C4orf51: variants seen among roughly 807,000 people sequenced by gnomAD.
The protein encoded by C4orf51 is chromosome 4 open reading frame 51, also known as uncharacterized protein C4orf51.
A neutral mutation model predicts 25.2 loss-of-function variants in C4orf51; 25 were observed. The ratio of observed to expected loss-of-function variants is 0.99; its 90% CI spans 0.72 to 1.39. The LOEUF is 1.39. Among genes scored for constraint, C4orf51 ranks in the 40% most tolerant of loss-of-function variants. The pLI is 0.00. For synonymous variants in C4orf51, 100 were observed against 84.5 expected (o/e 1.18, Z -1.01); for missense variants, 252 against 239.6 (o/e 1.05, Z -0.34).
intron 2 of C4orf51, among the ~76,000 whole-genome samples, chr4:145,713,919 A>AT (rs1333345026): frequency 1.3e-5 from 2 of 152,008 alleles, no homozygotes; most frequent in African/African-American, 4.8e-5. Context: ...AGTAGCTGGG[A>AT]TTATAGGCAC....
At chr4:145,708,515 C>T (rs1207362697) in intron 2 of C4orf51, among the ~76,000 whole-genome samples, 1 of 152,150 alleles carries the variant, frequency 6.6e-6, no homozygotes, top group Non-Finnish European at 1.5e-5. Context: ...TGGGGCATCC[C>T]CTATTCATCC....
At chr4:145,791,543 T>A in the C4orf51 span, among the ~76,000 whole-genome samples, 10 of 152,196 alleles carry the variant, frequency 6.6e-5, no homozygotes, top group Non-Finnish European at 2.9e-5. Flanking sequence ...TTACCAGTAA[T>A]AATAAGTAGC....
At chr4:145,759,259 A>G (rs1014987470), downstream of C4orf51, 3 of 152,232 alleles carry the variant, frequency 2.0e-5, no homozygotes, top group Non-Finnish European at 4.4e-5. Context: ...CAAGCAATGA[A>G]CATATTCAGC....
chr4:145,705,569 C>T (rs1349942990), intron 2 of C4orf51, among the ~76,000 whole-genome samples: 1 of 152,094 alleles, frequency 6.6e-6, no homozygotes, highest in Non-Finnish European at 1.5e-5. Context: ...AGTGATTGTT[C>T]TGCAGGTCTT....
At chr4:145,764,759 T>A (rs1735024015) in intron 1 of C4orf51, 3 of 574,778 alleles carry the variant, frequency 5.2e-6, no homozygotes, top group Non-Finnish European at 6.2e-6. Context: ...TTGCCCTGAA[T>A]CCCGGGGTAT....
chr4:145,743,250 G>C (rs148716430), intron 1 of C4orf51, among the ~76,000 whole-genome samples: 21 of 152,202 alleles, frequency 1.4e-4, no homozygotes, highest in African/African-American at 3.9e-4. Flanking sequence ...AAATACCCGA[G>C]ACTATATCAT....
intron 1 of C4orf51, among the ~76,000 whole-genome samples, chr4:145,769,961 C>T (rs1417004506): frequency 2.6e-5 from 4 of 152,152 alleles, no homozygotes; most frequent in Non-Finnish European, 4.4e-5. Flanking sequence ...ACAAAGTAAG[C>T]ACTTCTACTT....
intron 2 of C4orf51, among the ~76,000 whole-genome samples, chr4:145,704,386 A>T (rs1034241474): frequency 6.6e-6 from 1 of 152,238 alleles, no homozygotes; most frequent in Admixed American, 6.5e-5. Context: ...GAATAGCTTC[A>T]CAAGGCCACT....
At chr4:145,700,626 C>T (rs1325311492) in intron 2 of C4orf51, among the ~76,000 whole-genome samples, 1 of 152,138 alleles carries the variant, frequency 6.6e-6, no homozygotes, top group Admixed American at 6.5e-5. Context: ...AGGTGCCTGA[C>T]GTCCAGGCAT....
chr4:145,749,765 C>T (rs550254851), intron 1 of C4orf51, among the ~76,000 whole-genome samples: 1 of 152,224 alleles, frequency 6.6e-6, no homozygotes, highest in Non-Finnish European at 1.5e-5. Context: ...TCCCGAGTAG[C>T]TGGAACTACA....
chr4:145,728,236 T>C lies in C4orf51; in HGVS notation c.367-933T>C, dbSNP rs752394473. The stretch of plus-strand genomic sequence containing the variant: ...ACACTTATTTTACAAATGGCCAAAC[T>C]GCCTTCCCAAAAACTGGCCTCGTGC... On this transcript the variant is annotated intron_variant, in intron 3 of 5. Coordinates refer to ENST00000438731, the MANE Select transcript of C4orf51 (RefSeq NM_001080531.3). 5.3e-5 allele frequency among the ~76,000 whole-genome samples: 8 copies of C among 151,792 alleles called. No individual in the cohort carries two copies. The South Asian group carries it at 1.4e-3, about 28-fold the overall frequency.
At chr4:145,735,185 T>A (rs1732738238), downstream of C4orf51, among the ~76,000 whole-genome samples, 1 of 152,048 alleles carries the variant, frequency 6.6e-6, no homozygotes, top group Non-Finnish European at 1.5e-5. Context: ...ACTGTTGGAG[T>A]GCTCCTAAGC....
chr4:145,768,923 T>C (rs1322177306), intron 1 of C4orf51, among the ~76,000 whole-genome samples: 2 of 71,600 alleles, frequency 2.8e-5, no homozygotes, highest in South Asian at 6.0e-4. Context: ...ATATTAGGTA[T>C]ACAAAGTTTG....
rs200407950 is a variant in C4orf51 at position 145,739,260 on chromosome 4, G to T, written n.167+6641G>T. Among the ~76,000 whole-genome samples the T allele has an allele frequency of 5.9e-5, 9 of 152,264 alleles. No individual in the cohort carries two copies. In the East Asian group the frequency reaches 1.7e-3, roughly 29 times the overall value. On this transcript the variant is annotated intron_variant and non_coding_transcript_variant, in intron 1 of 1. Coordinates refer to the C4orf51 transcript ENST00000508981. ...GTTGTCATGTATAGATTATAGATTT[G>T]GTCAGAAAAGACTGTGCAGTGACCA... is the stretch of plus-strand genomic sequence containing the variant.
At chr4:145,692,394 T>C (rs1729638145) in intron 1 of C4orf51, among the ~76,000 whole-genome samples, 1 of 152,140 alleles carries the variant, frequency 6.6e-6, no homozygotes, top group Non-Finnish European at 1.5e-5. Context: ...CAAAATGTAT[T>C]AAGAGAAGCA....
chr4:145,744,299 T>C (rs919212356), intron 1 of C4orf51, among the ~76,000 whole-genome samples: 28 of 152,228 alleles, frequency 1.8e-4, no homozygotes, highest in Admixed American at 1.4e-3. Flanking sequence ...TAGGGAATAA[T>C]GATGAGGGTG....
downstream of C4orf51, among the ~76,000 whole-genome samples, chr4:145,755,601 AAAG>A (rs34033634): frequency 0.21 from 32,090 of 152,140 alleles, 3,631 homozygotes; most frequent in African/African-American, 0.29. Context: ...ACTACTTCAT[AAAG>A]AAGAAGAGGC....
At chr4:145,740,325 A>AAG (rs1560861209) in intron 1 of C4orf51, among the ~76,000 whole-genome samples, 2 of 149,620 alleles carry the variant, frequency 1.3e-5, no homozygotes, top group Non-Finnish European at 1.5e-5. Flanking sequence ...GCATTTTACA[A>AAG]AAGAACTATG....
At chr4:145,727,895 G>GTGTGTATA (rs529040880) in intron 3 of C4orf51, among the ~76,000 whole-genome samples, 16 of 101,618 alleles carry the variant, frequency 1.6e-4, no homozygotes, top group Non-Finnish European at 2.8e-4. Context: ...AAAAAAATGT[G>GTGTGTATA]TATATATATA....
Sources: allele counts gnomAD v4.1 joint callset (sites outside exome capture counted in the v4.1 genomes callset), GRCh38; gene constraint gnomAD v4.1.1; transcripts MANE v1.5; gene names NCBI Gene and HGNC (gene_info 2026-07-23, HGNC 2026-07-21).